The following ZNF804B variants were observed in gnomAD, a reference collection of about 807,000 sequenced individuals.
The protein encoded by ZNF804B is zinc finger 804B.
A neutral mutation model predicts 101.4 loss-of-function variants in ZNF804B; 80 were observed. That is an observed-to-expected ratio of 0.79 (90% CI 0.66 to 0.95). The LOEUF (loss-of-function observed/expected upper bound fraction) is 0.95. Among genes scored for constraint, ZNF804B ranks in the 40% least tolerant of loss-of-function variants. ZNF804B has a pLI of 0.00. For synonymous variants in ZNF804B, 622 were observed against 558.8 expected, an observed-to-expected ratio of 1.11 and a Z score of -1.59; for missense variants, 1,673 against 1,561.9, an observed-to-expected ratio of 1.07 and a Z score of -1.20.
chr7:89,266,941 C>G (rs1265710068), intron 2 of ZNF804B, among the ~76,000 whole-genome samples: 4 of 151,178 alleles, frequency 2.6e-5, no homozygotes, highest in Admixed American at 2.6e-4. Context: ...ATTGCATACA[C>G]TAAGTTGTAC....
At chr7:89,313,743 G>A (rs1790678397) in intron 2 of ZNF804B, among the ~76,000 whole-genome samples, 1 of 152,092 alleles carries the variant, frequency 6.6e-6, no homozygotes, top group African/African-American at 2.4e-5. Flanking sequence ...ATAAATTTTA[G>A]TTTACCTCTT....
At chr7:89,109,557 T>C (rs1025576249) in intron 1 of ZNF804B, among the ~76,000 whole-genome samples, 1 of 152,162 alleles carries the variant, frequency 6.6e-6, no homozygotes, top group African/African-American at 2.4e-5. Flanking sequence ...GTTTTCCACA[T>C]TTTGATTTCA....
chr7:88,762,028 G>A (rs1366831815), intron 1 of ZNF804B, among the ~76,000 whole-genome samples: 1 of 151,876 alleles, frequency 6.6e-6, no homozygotes, highest in Non-Finnish European at 1.5e-5. Context: ...CACCCTCAGG[G>A]CACTATTTTT....
intron 1 of ZNF804B, among the ~76,000 whole-genome samples, chr7:89,188,480 T>C (rs1278772309): frequency 6.6e-6 from 1 of 152,090 alleles, no homozygotes; most frequent in Non-Finnish European, 1.5e-5. Flanking sequence ...AATAGGAAAG[T>C]CATAGTTCTC....
chr7:88,905,309 T>C (rs1792452045), intron 1 of ZNF804B, among the ~76,000 whole-genome samples: 1 of 152,154 alleles, frequency 6.6e-6, no homozygotes, highest in African/African-American at 2.4e-5. Flanking sequence ...TACTTGATTG[T>C]GGCGAATTAA....
intron 1 of ZNF804B, among the ~76,000 whole-genome samples, chr7:88,845,297 G>GCACACACACACACACACACA (rs200482259): frequency 1.7e-5 from 2 of 119,812 alleles, no homozygotes; most frequent in African/African-American, 3.2e-5. Context: ...GCGCGCACGC[G>GCACACACACACACACACACA]CGCGCACACA....
chr7:89,043,619 T>C (rs558213182), intron 1 of ZNF804B, among the ~76,000 whole-genome samples: 1 of 152,230 alleles, frequency 6.6e-6, no homozygotes. Context: ...TATTAACTTT[T>C]GCAAATGCAC....
At chr7:88,891,687 A>C (rs1046754193) in intron 1 of ZNF804B, among the ~76,000 whole-genome samples, 19 of 131,288 alleles carry the variant, frequency 1.4e-4, no homozygotes, top group African/African-American at 5.1e-4. Context: ...TTTTTATTTT[A>C]TTTCTTTCTC....
intron 1 of ZNF804B, among the ~76,000 whole-genome samples, chr7:88,830,277 A>T (rs941069553): frequency 6.6e-6 from 1 of 152,158 alleles, no homozygotes; most frequent in Non-Finnish European, 1.5e-5. Context: ...AAAGCAGTCC[A>T]TAACAAAAAT....
intron 1 of ZNF804B, among the ~76,000 whole-genome samples, chr7:89,120,605 T>G (rs1244477023): frequency 8.0e-6 from 1 of 124,814 alleles, no homozygotes; most frequent in Non-Finnish European, 1.6e-5. Context: ...TTGCAGTGAG[T>G]GGAGATCGCG....
rs1435049493 is a variant in ZNF804B at position 89,336,257 on chromosome 7, A to G, written c.3275A>G (p.Gln1092Arg). The G allele has an allele frequency of 4.3e-6, 7 of 1,613,906 alleles. No homozygotes were observed. Among genetic ancestry groups the G allele is most frequent in the Non-Finnish European group, 5.9e-6 (7 of 1,179,976 alleles). Reference sequence around the variant, plus strand: ...GGTGTGACTGATTCAACAGAGACCCAAGAAGACCAAATAAATCTAGACTTA... The same window carrying G: ...GGTGTGACTGATTCAACAGAGACCCGAGAAGACCAAATAAATCTAGACTTA... ...YTGVTDSTET[Q>R]EDQINLDLQD... Residue 1092 changes from glutamine (Q) to arginine (R), a missense_variant, in exon 4 of 4, where the codon CAA becomes CGA. Transcript: ENST00000333190.
chr7:88,984,073 C>CT (rs1191133491), intron 1 of ZNF804B, among the ~76,000 whole-genome samples: 1 of 152,090 alleles, frequency 6.6e-6, no homozygotes, highest in Non-Finnish European at 1.5e-5. Context: ...CTAACTTTCT[C>CT]TAACTAGCAA....
intron 1 of ZNF804B, among the ~76,000 whole-genome samples, chr7:88,799,506 G>A (rs1359365420): frequency 6.6e-6 from 1 of 152,024 alleles, no homozygotes; most frequent in Non-Finnish European, 1.5e-5. Context: ...CCCTGTCTAT[G>A]AGATGATTCC....
At chr7:88,894,666 A>G (rs1045556461) in intron 1 of ZNF804B, among the ~76,000 whole-genome samples, 4 of 152,212 alleles carry the variant, frequency 2.6e-5, no homozygotes, top group Non-Finnish European at 5.9e-5. Context: ...ATAAAATACT[A>G]TTCAATGATA....
intron 1 of ZNF804B, among the ~76,000 whole-genome samples, chr7:88,875,959 A>G (rs1277713449): frequency 6.6e-6 from 1 of 152,118 alleles, no homozygotes; most frequent in Non-Finnish European, 1.5e-5. Context: ...AAGCTTATCC[A>G]CTGTGAGCAA....
intron 1 of ZNF804B, among the ~76,000 whole-genome samples, chr7:88,820,626 A>G (rs771464238): frequency 5.9e-5 from 9 of 152,136 alleles, no homozygotes; most frequent in Non-Finnish European, 1.0e-4. Context: ...AGTGAGTGGG[A>G]TATGCCAGGC....
At chr7:89,014,314 G>A (rs1562859977) in intron 1 of ZNF804B, among the ~76,000 whole-genome samples, 1 of 151,818 alleles carries the variant, frequency 6.6e-6, no homozygotes, top group East Asian at 1.9e-4. Flanking sequence ...ATTGAACTTT[G>A]TTTTTGTTGT....
intron 1 of ZNF804B, among the ~76,000 whole-genome samples, chr7:88,823,469 C>T (rs1025361582): frequency 2.0e-5 from 3 of 152,062 alleles, no homozygotes; most frequent in African/African-American, 4.8e-5. Context: ...CTGACTGATG[C>T]CACAATTCAA....
chr7:89,219,835 AAT>A (rs10551115), intron 2 of ZNF804B, among the ~76,000 whole-genome samples: 18,053 of 149,152 alleles, frequency 0.12, 1,305 homozygotes, highest in Middle Eastern at 0.25. Context: ...GTGTATACTA[AAT>A]ATATATGTAT....
Sources: allele counts gnomAD v4.1 joint callset (sites outside exome capture counted in the v4.1 genomes callset), GRCh38; gene constraint gnomAD v4.1.1; transcripts MANE v1.5; gene names NCBI Gene and HGNC (gene_info 2026-07-23, HGNC 2026-07-21).